CTNNA2: variants seen among roughly 807,000 people sequenced by gnomAD.
The protein encoded by CTNNA2 is catenin alpha-2.
Under a neutral mutation model 101.0 loss-of-function variants are expected in CTNNA2, and 42 were observed. That is an observed-to-expected ratio of 0.42 (90% confidence interval 0.32 to 0.54). The LOEUF (loss-of-function observed/expected upper bound fraction) is 0.54. Ranked by LOEUF, CTNNA2 falls within the 20% of genes least tolerant of loss-of-function variation. The pLI is 0.14. For synonymous variants in CTNNA2, 450 were observed against 456.4 expected, an observed-to-expected ratio of 0.99 and a Z score of 0.18; for missense variants, 871 against 1,223.1, an observed-to-expected ratio of 0.71 and a Z score of 4.29.
At chr2:80,537,632 TGCCCAG>T (rs1399430893) in intron 9 of CTNNA2, among the ~76,000 whole-genome samples, 2 of 151,982 alleles carry the variant, frequency 1.3e-5, no homozygotes, top group African/African-American at 2.4e-5. Context: ...TTACTTTTGT[TGCCCAG>T]GCTGGAGTGC....
Position 79,513,183 on chromosome 2 carries a change from G to T in CTNNA2, c.-30G>T. On this transcript the variant is annotated 5_prime_UTR_variant, in exon 1 of 19. Coordinates refer to ENST00000402739, the MANE Select transcript of CTNNA2 (RefSeq NM_001282597.3). ...GAACGGGCGAGAAAGAGGAGGAGGC[G>T]AGAAACTCCCACCGACCCACAGAGG... 6.5e-6 allele frequency: 1 copy of T among 152,754 alleles called. No homozygotes were observed. Among genetic ancestry groups the T allele is most frequent in the Non-Finnish European group, 1.5e-5 (1 of 68,554 alleles). 9.5% of individuals were successfully genotyped at this position (152,754 alleles called of 1,614,324 possible).
In CTNNA2 at chr2:79,231,496, G is replaced by A. The variant is rs779092296; in HGVS notation, c.-406+33420G>A. ...TCTTTTGCCAATTGCCCAGTCTTGGGTATGTGTTTATCAGCAGTGTGAAAA... is the reference window on the plus strand; with the variant it reads ...TCTTTTGCCAATTGCCCAGTCTTGGATATGTGTTTATCAGCAGTGTGAAAA... On this transcript the variant is annotated intron_variant, in intron 2 of 21. Coordinates refer to the CTNNA2 transcript ENST00000466387. Among the ~76,000 whole-genome samples, 67 of 152,270 alleles carry A rather than the reference G, an allele frequency of 4.4e-4. 1 individual carries two copies. The highest frequency in any genetic ancestry group is 3.5e-3 in the Admixed American group (54 of 15,278).
chr2:80,594,642 T>C (rs376507237), intron 15 of CTNNA2, among the ~76,000 whole-genome samples: 1 of 152,080 alleles, frequency 6.6e-6, no homozygotes, highest in African/African-American at 2.4e-5. Flanking sequence ...TTAGTTCTTA[T>C]GGTTAGGTCT....
At chr2:79,996,141 T>C (rs910477770) in intron 7 of CTNNA2, among the ~76,000 whole-genome samples, 1 of 152,226 alleles carries the variant, frequency 6.6e-6, no homozygotes, top group Non-Finnish European at 1.5e-5. Flanking sequence ...ATTACTGTTA[T>C]GTCTTAATAA....
At chr2:80,255,114 C>T (rs1207187843) in intron 7 of CTNNA2, among the ~76,000 whole-genome samples, 1 of 152,142 alleles carries the variant, frequency 6.6e-6, no homozygotes, top group Non-Finnish European at 1.5e-5. Flanking sequence ...CTTCCTGTGT[C>T]GATAGATGTT....
intron 1 of CTNNA2, among the ~76,000 whole-genome samples, chr2:79,644,859 C>T (rs968286136): frequency 6.6e-6 from 1 of 152,180 alleles, no homozygotes; most frequent in Non-Finnish European, 1.5e-5. Context: ...TCTATTGCCT[C>T]CCATGATTCA....
chr2:79,541,988 C>G (rs949144165), intron 1 of CTNNA2, among the ~76,000 whole-genome samples: 1 of 152,084 alleles, frequency 6.6e-6, no homozygotes, highest in African/African-American at 2.4e-5. Flanking sequence ...TTTCATAATG[C>G]TAGAAAACTA....
intron 6 of CTNNA2, among the ~76,000 whole-genome samples, chr2:79,894,033 TTC>T (rs1558619461): frequency 1.9e-4 from 28 of 145,870 alleles, no homozygotes; most frequent in African/African-American, 6.7e-4. Flanking sequence ...CTTCTTCTTC[TTC>T]TTCTTCTTCT....
chr2:79,474,633 TA>T lies in CTNNA2; in HGVS notation c.-134-30420del, dbSNP rs1462889508. ...GAGTTATAAAATAGAGTAATCATTA[TA>T]TTTTAATTTTAATTTATATTAATGA... is the stretch of plus-strand genomic sequence containing the variant. On this transcript the variant is annotated intron_variant, in intron 4 of 21. Transcript: ENST00000466387. Among the ~76,000 whole-genome samples, 3 of 152,348 alleles carry T rather than the reference TA, an allele frequency of 2.0e-5. No individual in the cohort carries two copies. In the East Asian group the frequency reaches 5.8e-4, roughly 29 times the overall value.
At chr2:80,562,441 C>A (rs898239522) in intron 12 of CTNNA2, among the ~76,000 whole-genome samples, 1 of 152,082 alleles carries the variant, frequency 6.6e-6, no homozygotes, top group Non-Finnish European at 1.5e-5. Context: ...ATCAGAATGG[C>A]AAAAATCCAA....
intron 3 of CTNNA2, among the ~76,000 whole-genome samples, chr2:79,321,083 T>A (rs1003708373): frequency 7.2e-5 from 11 of 152,234 alleles, no homozygotes; most frequent in African/African-American, 2.7e-4. Flanking sequence ...CTACCTTTGT[T>A]AAGTACTTAC....
rs562424123 is a variant in CTNNA2, at chr2:79,896,470, A to AT, written c.853-13120dup. Among the ~76,000 whole-genome samples, 106 of 152,314 alleles carry AT rather than the reference A, an allele frequency of 7.0e-4. 3 individuals carry two copies. In the South Asian group the frequency reaches 0.021, roughly 31 times the overall value. The stretch of plus-strand genomic sequence containing the variant: ...AATATTAGGTTCACTGTAGTGACCT[A>AT]TTTTGCTCCAGAAGCCTTTTGGTAA... On this transcript the variant is annotated intron_variant, in intron 6 of 18. Coordinates refer to ENST00000402739, the MANE Select transcript of CTNNA2 (RefSeq NM_001282597.3).
intron 18 of CTNNA2, among the ~76,000 whole-genome samples, chr2:80,629,119 T>A (rs80338051): frequency 0.023 from 3,545 of 152,152 alleles, 109 homozygotes; most frequent in South Asian, 0.16. Context: ...TGAGTAGGTA[T>A]TTTTTGTTAT....
At chr2:80,544,612 C>G (rs1345584623) in intron 9 of CTNNA2, among the ~76,000 whole-genome samples, 2 of 152,088 alleles carry the variant, frequency 1.3e-5, no homozygotes, top group African/African-American at 2.4e-5. Flanking sequence ...TCACTCAACT[C>G]TACAGGGTCA....
At chr2:79,637,641 CT>C (rs1470763642) in intron 1 of CTNNA2, among the ~76,000 whole-genome samples, 1 of 152,186 alleles carries the variant, frequency 6.6e-6, no homozygotes. Flanking sequence ...AAAATGGCCC[CT>C]AAACACTCAG....
chr2:79,956,122 A>G (rs1020462643), intron 7 of CTNNA2, among the ~76,000 whole-genome samples: 1 of 152,158 alleles, frequency 6.6e-6, no homozygotes, highest in Non-Finnish European at 1.5e-5. Context: ...TCAGGCTATA[A>G]TAAGTAGCCA....
chr2:79,383,844 G>T (rs1678067679), intron 4 of CTNNA2, among the ~76,000 whole-genome samples: 1 of 152,116 alleles, frequency 6.6e-6, no homozygotes, highest in Admixed American at 6.6e-5. Flanking sequence ...CCACCTTTCT[G>T]GATGACAGCA....
At chr2:80,038,447 G>A (rs572981428) in intron 7 of CTNNA2, among the ~76,000 whole-genome samples, 4 of 152,140 alleles carry the variant, frequency 2.6e-5, no homozygotes, top group East Asian at 1.9e-4. Flanking sequence ...GAGGCCGGGC[G>A]CGGTGACTCA....
intron 6 of CTNNA2, among the ~76,000 whole-genome samples, chr2:79,902,194 G>A (rs1390552597): frequency 6.6e-6 from 1 of 152,118 alleles, no homozygotes; most frequent in South Asian, 2.1e-4. Flanking sequence ...ATTCCCTCAC[G>A]ATGATTAGCA....
Sources: allele counts gnomAD v4.1 joint callset (sites outside exome capture counted in the v4.1 genomes callset), GRCh38; gene constraint gnomAD v4.1.1; transcripts MANE v1.5; gene names NCBI Gene and HGNC (gene_info 2026-07-23, HGNC 2026-07-21).